CATSPERB: variants seen among roughly 807,000 people sequenced by gnomAD.
CATSPERB encodes cation channel sperm-associated auxiliary subunit beta.
A neutral mutation model predicts 128.3 loss-of-function variants in CATSPERB; 93 were observed. That is an observed-to-expected ratio of 0.72 (90% CI 0.61 to 0.86). The LOEUF is 0.86. CATSPERB is among the 40% of genes least tolerant of loss of function. The probability of loss-of-function intolerance (pLI) is 0.00; values close to 1 mark genes in which losing one functional copy is unlikely to be tolerated. For missense variants in CATSPERB, 1,153 were observed against 1,329.5 expected (o/e 0.87, Z 2.06); for synonymous variants, 381 against 448.8 (o/e 0.85, Z 1.91).
At chr14:91,613,539 A>C (rs998755857) in intron 20 of CATSPERB, among the ~76,000 whole-genome samples, 1 of 152,334 alleles carries the variant, frequency 6.6e-6, no homozygotes, top group Non-Finnish European at 1.5e-5. Context: ...GTATTGTTAG[A>C]GTAGGCAGAA....
intron 11 of CATSPERB, among the ~76,000 whole-genome samples, chr14:91,678,514 A>G (rs1244212787): frequency 2.0e-5 from 3 of 152,212 alleles, no homozygotes; most frequent in Admixed American, 6.5e-5. Context: ...ATTATGTGAT[A>G]TGTCATATCT....
rs758236245 is a variant in CATSPERB at position 91,610,550 on chromosome 14, A to G, written c.2528T>C (p.Ile843Thr). The change falls in exon 21 of 27, where the codon ATC becomes ACC. Residue 843 changes from isoleucine (I) to threonine (T), a missense_variant. By Grantham distance (89) the Ile-to-Thr change is moderately conservative. Coordinates refer to ENST00000256343, the MANE Select transcript of CATSPERB (RefSeq NM_024764.4). ...TCCACTAATCCAGTCTTCAAATGGG[A>G]TAAATTTGCTAGGAATGTGATGCAT... The part of the protein sequence containing the change: ...RSMHHIPSKF[I>T]PFEDWISGVH... 1 of 1,614,044 alleles carries G rather than the reference A, an allele frequency of 6.2e-7. No individual in the cohort carries two copies. The highest frequency in any genetic ancestry group is 8.5e-7 in the Non-Finnish European group (1 of 1,180,010).
chr14:91,706,712 C>T (rs1176267883), intron 6 of CATSPERB, among the ~76,000 whole-genome samples: 1 of 152,166 alleles, frequency 6.6e-6, no homozygotes, highest in Non-Finnish European at 1.5e-5. Context: ...ATTCCTATTT[C>T]CCAGTGTCTG....
At chr14:91,639,325 A>C in intron 15 of CATSPERB, 75 bp from the exon 16 acceptor site, 1 of 1,218,760 alleles carries the variant, frequency 8.2e-7, no homozygotes, top group South Asian at 1.4e-5. Context: ...ATACCTTGTA[A>C]AGACACCTTC....
chr14:91,699,592 A>G (rs1258204438), intron 7 of CATSPERB, among the ~76,000 whole-genome samples: 1 of 143,544 alleles, frequency 7.0e-6, no homozygotes, highest in African/African-American at 2.6e-5. Context: ...TTTTTTTTTT[A>G]GATGGAGTTT....
intron 5 of CATSPERB, among the ~76,000 whole-genome samples, chr14:91,718,035 A>G (rs1895971565): frequency 6.6e-6 from 1 of 152,194 alleles, no homozygotes; most frequent in African/African-American, 2.4e-5. Context: ...TTTAGAATCA[A>G]TGCTTTTCTA....
At chr14:91,730,767 G>T (rs1595196922) in intron 1 of CATSPERB, among the ~76,000 whole-genome samples, 1 of 152,148 alleles carries the variant, frequency 6.6e-6, no homozygotes, top group Non-Finnish European at 1.5e-5. Flanking sequence ...AATGTAACTG[G>T]TGTTTTTCCT....
intron 20 of CATSPERB, among the ~76,000 whole-genome samples, chr14:91,617,233 A>C (rs890874987): frequency 1.3e-5 from 2 of 152,198 alleles, no homozygotes; most frequent in Non-Finnish European, 2.9e-5. Flanking sequence ...GAACCTATTA[A>C]ATTGCCAAGA....
At chr14:91,605,724 C>T (rs953930928) in intron 22 of CATSPERB, among the ~76,000 whole-genome samples, 1 of 152,136 alleles carries the variant, frequency 6.6e-6, no homozygotes. Context: ...GACTCCCTTT[C>T]CCCTCCTCTC....
chr14:91,642,916 C>A (rs1265027693), intron 15 of CATSPERB, among the ~76,000 whole-genome samples: 23 of 133,400 alleles, frequency 1.7e-4, no homozygotes, highest in Middle Eastern at 7.7e-3. Context: ...AGAGATTCAA[C>A]TTCTTCCTGG....
At chr14:91,594,951 C>T (rs1893478126) in intron 22 of CATSPERB, among the ~76,000 whole-genome samples, 1 of 150,858 alleles carries the variant, frequency 6.6e-6, no homozygotes, top group Non-Finnish European at 1.5e-5. Context: ...CAAATAAAGA[C>T]AAAAGGGGGT....
chr14:91,648,988 C>CTT (rs35103012), intron 15 of CATSPERB, among the ~76,000 whole-genome samples: 26,879 of 144,486 alleles, frequency 0.19, 2,595 homozygotes, highest in South Asian at 0.23. Flanking sequence ...ACCTATCTTG[C>CTT]TTTTTTTTTT....
At position 91,597,001 on chromosome 14, in the gene CATSPERB, C is replaced by T. The variant is rs113179228; in HGVS notation, c.2710-4999G>A. ...TCCTGGGTTCACTCCATTCTCCTGCCTCAGCCTCCTGAGTAGCTGGGACTA... is the reference window on the plus strand; with the variant it reads ...TCCTGGGTTCACTCCATTCTCCTGCTTCAGCCTCCTGAGTAGCTGGGACTA... On this transcript the variant is annotated intron_variant, in intron 22 of 26. Transcript: ENST00000256343. 5.7e-3 allele frequency among the ~76,000 whole-genome samples: 866 copies of T among 152,024 alleles called. 16 individuals are homozygous for T. Among genetic ancestry groups the T allele is most frequent in the African/African-American group, 0.02 (816 of 41,472 alleles).
At chr14:91,628,936 C>T (rs1004613210) in intron 17 of CATSPERB, among the ~76,000 whole-genome samples, 1 of 152,198 alleles carries the variant, frequency 6.6e-6, no homozygotes, top group Admixed American at 6.5e-5. Flanking sequence ...GGAAATGATA[C>T]AGCCAGTCTG....
intron 22 of CATSPERB, among the ~76,000 whole-genome samples, chr14:91,603,692 A>G (rs1893648286): frequency 6.6e-6 from 1 of 152,202 alleles, no homozygotes; most frequent in African/African-American, 2.4e-5. Flanking sequence ...AGAAGGTAAA[A>G]GGGAGTGAGG....
chr14:91,683,418 GT>G (rs895860254), intron 11 of CATSPERB, among the ~76,000 whole-genome samples: 9 of 152,282 alleles, frequency 5.9e-5, no homozygotes, highest in Admixed American at 5.9e-4. Flanking sequence ...TTTTGAAACT[GT>G]TTTTTCTTTT....
chr14:91,639,745 G>A (rs1407575713), intron 15 of CATSPERB, among the ~76,000 whole-genome samples: 3 of 152,166 alleles, frequency 2.0e-5, no homozygotes, highest in Admixed American at 6.5e-5. Flanking sequence ...AGATGGTGCC[G>A]CAGCATTCAC....
intron 22 of CATSPERB, among the ~76,000 whole-genome samples, chr14:91,598,806 C>T (rs1325627170): frequency 8.8e-5 from 12 of 136,940 alleles, no homozygotes; most frequent in African/African-American, 1.4e-4. Flanking sequence ...TGCAGTGAGC[C>T]GAGATCGCAC....
intron 7 of CATSPERB, among the ~76,000 whole-genome samples, chr14:91,698,488 C>G (rs1446784807): frequency 6.6e-6 from 1 of 152,108 alleles, no homozygotes; most frequent in African/African-American, 2.4e-5. Context: ...AAGGGAAATG[C>G]TTCCAGCTTT....
Sources: allele counts gnomAD v4.1 joint callset (sites outside exome capture counted in the v4.1 genomes callset), GRCh38; gene constraint gnomAD v4.1.1; transcripts MANE v1.5; gene names NCBI Gene and HGNC (gene_info 2026-07-23, HGNC 2026-07-21).